Variants in HECW1 observed in about 807,000 individuals in gnomAD.
The protein encoded by HECW1 is HECT, C2 and WW domain containing E3 ubiquitin protein ligase 1.
In HECW1, 61 loss-of-function variants were observed where a neutral mutation model predicts 182.3. The observed-to-expected ratio is 0.33, with a 90% CI of 0.27 to 0.41. The LOEUF (loss-of-function observed/expected upper bound fraction) is 0.41. Among genes scored for constraint, HECW1 ranks in the 10% least tolerant of loss-of-function variants. HECW1 has a pLI of 1.00. For synonymous variants in HECW1, 859 were observed against 832.6 expected (o/e 1.03, Z -0.55); for missense variants, 1,739 against 2,108.9 (o/e 0.82, Z 3.44).
In HECW1 at chr7:43,503,631, CA is replaced by C. The variant is rs112492134; in HGVS notation, c.3631+2310del. Among the ~76,000 whole-genome samples the C allele has an allele frequency of 3.4e-3, 525 of 152,212 alleles. 3 individuals are homozygous for C. Among genetic ancestry groups the C allele is most frequent in the African/African-American group, 0.012 (508 of 41,528 alleles). On this transcript the variant is annotated intron_variant, in intron 21 of 29. Coordinates refer to ENST00000395891, the MANE Select transcript of HECW1 (RefSeq NM_015052.5). ...TACTTCTTTATTCTCTAGCATTGAC[CA>C]CAGGGTCCTAGAATATGTAATCCAA...
intron 5 of HECW1, among the ~76,000 whole-genome samples, chr7:43,352,940 A>T (rs945418887): frequency 1.3e-5 from 2 of 152,098 alleles, no homozygotes; most frequent in Non-Finnish European, 2.9e-5. Context: ...ATCCCTTAAC[A>T]GTGTAGGAAG....
chr7:43,466,458 G>C lies in HECW1; in HGVS notation c.2803G>C (p.Glu935Gln). Residue 935 changes from glutamate to glutamine, a missense_variant, in exon 15 of 30, where the codon GAA becomes CAA. Physicochemically the swap from Glu to Gln is conservative, Grantham distance 29. Coordinates refer to ENST00000395891, the MANE Select transcript of HECW1 (RefSeq NM_015052.5). ...SSQSSLDLRR[E>Q]GSLSPVNSQK... ...TCACTTTTTTTCAGATCTAAGGAGA[G>C]AAGGGTCACTTTCTCCAGTGAACTC... The C allele has an allele frequency of 6.2e-7, 1 of 1,613,686 alleles. No homozygotes were observed. The highest frequency in any genetic ancestry group is 8.5e-7 in the Non-Finnish European group (1 of 1,179,738).
chr7:43,513,552 G>T (rs1327619682), intron 24 of HECW1, among the ~76,000 whole-genome samples: 3 of 152,170 alleles, frequency 2.0e-5, no homozygotes, highest in African/African-American at 7.2e-5. Flanking sequence ...CCCTAGCAGG[G>T]CATCATGATT....
chr7:43,165,459 T>A, intron 2 of HECW1, among the ~76,000 whole-genome samples: 1 of 152,102 alleles, frequency 6.6e-6, no homozygotes, highest in East Asian at 1.9e-4. Flanking sequence ...CAACAGCCTC[T>A]AATGACATCA....
intron 3 of HECW1, among the ~76,000 whole-genome samples, chr7:43,247,856 G>GGAAA (rs201492332): frequency 0.27 from 29,902 of 108,884 alleles, 6,631 homozygotes; most frequent in African/African-American, 0.62. Context: ...AAGGAAGGAA[G>GGAAA]GAAAGAAAGA....
chr7:43,204,783 C>G (rs111234394), intron 2 of HECW1, among the ~76,000 whole-genome samples: 2 of 152,266 alleles, frequency 1.3e-5, no homozygotes, highest in African/African-American at 4.8e-5. Context: ...TTGACACTTA[C>G]CTGGAGGAGA....
intron 3 of HECW1, among the ~76,000 whole-genome samples, chr7:43,286,148 G>A (rs555378492): frequency 2.6e-5 from 4 of 152,320 alleles, no homozygotes; most frequent in African/African-American, 9.6e-5. Flanking sequence ...GACCCTGAGA[G>A]GGTGGATGAC....
At chr7:43,290,717 G>C (rs1805293454) in intron 3 of HECW1, among the ~76,000 whole-genome samples, 1 of 152,246 alleles carries the variant, frequency 6.6e-6, no homozygotes, top group Non-Finnish European at 1.5e-5. Flanking sequence ...CCAGTGACAA[G>C]TAGTAGGGGA....
chr7:43,286,445 C>T (rs1216714741), intron 3 of HECW1, among the ~76,000 whole-genome samples: 1 of 152,128 alleles, frequency 6.6e-6, no homozygotes, highest in African/African-American at 2.4e-5. Flanking sequence ...TTTCCTTTCT[C>T]CTGATTGTCC....
chr7:43,522,996 G>T, intron 24 of HECW1: 1 of 438,540 alleles, frequency 2.3e-6, no homozygotes, highest in Non-Finnish European at 4.5e-6. Context: ...AGGTAGTTCT[G>T]CTTGTTTGTT....
Position 43,554,629 on chromosome 7 carries a change from G to C in HECW1, c.4548G>C (p.Trp1516Cys). 6.2e-7 allele frequency: 1 copy of C among 1,613,662 alleles called. No homozygotes were observed. The highest frequency in any genetic ancestry group is 8.5e-7 in the Non-Finnish European group (1 of 1,179,834). The change falls in exon 29 of 30, where the codon TGG (tryptophan) becomes TGC (cysteine). Residue 1516 changes from tryptophan (W) to cysteine (C), a missense_variant. This residue lies in a region of HECW1 where 420 missense variants were observed against 595.7 expected (regional missense o/e 0.71). Transcript: ENST00000395891. Reference protein sequence around the residue: ...HDGHLVIRWFWAAVERFNNEQ... With the variant: ...HDGHLVIRWFCAAVERFNNEQ... ...GGCATCTTGTGATCCGCTGGTTCTG[G>C]GCTGCGGTGGAGCGCTTCAATAATG...
chr7:43,504,759 C>G (rs1267928123), intron 21 of HECW1, among the ~76,000 whole-genome samples: 1 of 152,246 alleles, frequency 6.6e-6, no homozygotes, highest in Non-Finnish European at 1.5e-5. Context: ...CAGCACCCTT[C>G]CTCTCTCCTA....
intron 8 of HECW1, among the ~76,000 whole-genome samples, chr7:43,422,941 C>T (rs2076241918): frequency 7.2e-6 from 1 of 138,776 alleles, no homozygotes; most frequent in African/African-American, 2.7e-5. Flanking sequence ...GAGTCGTGGT[C>T]TCCAGGATTT....
chr7:43,475,330 C>G (rs374101009), intron 16 of HECW1, among the ~76,000 whole-genome samples: 2 of 152,084 alleles, frequency 1.3e-5, no homozygotes, highest in East Asian at 3.8e-4. Context: ...ATTGTAAGAA[C>G]AAAATCTTTG....
At chr7:43,513,178 A>G (rs1449195493) in intron 24 of HECW1, among the ~76,000 whole-genome samples, 5 of 152,188 alleles carry the variant, frequency 3.3e-5, no homozygotes, top group South Asian at 2.1e-4. Context: ...CCCTCCTGCC[A>G]TGTGCAATTA....
At chr7:43,211,580 G>C (rs768156932) in intron 2 of HECW1, among the ~76,000 whole-genome samples, 7 of 152,122 alleles carry the variant, frequency 4.6e-5, no homozygotes, top group African/African-American at 9.7e-5. Context: ...AGATTCTATG[G>C]AATCCTGTCC....
chr7:43,226,438 C>T (rs1005896838), intron 2 of HECW1, among the ~76,000 whole-genome samples: 3 of 152,184 alleles, frequency 2.0e-5, no homozygotes, highest in Non-Finnish European at 2.9e-5. Context: ...GGCTCTGCCA[C>T]ATGTAAGTGC....
intron 3 of HECW1, among the ~76,000 whole-genome samples, chr7:43,269,445 C>T (rs539322042): frequency 3.9e-5 from 6 of 152,296 alleles, no homozygotes; most frequent in South Asian, 2.1e-4. Context: ...CTCAAATGCA[C>T]GCCCATGGCA....
chr7:43,554,779 T>C lies in HECW1; in HGVS notation c.4698T>C (p.Thr1566=). ...GCATAGAGAAATGGGGGAAAATTACTTCTCTCCCCAGGTACAGAGCTCCTG... is the reference window on the plus strand; with the variant it reads ...GCATAGAGAAATGGGGGAAAATTACCTCTCTCCCCAGGTACAGAGCTCCTG... ...RFCIEKWGKI[T]SLPRAHTCFN... The change falls in exon 29 of 30, where the codon ACT becomes ACC. Residue 1566 remains threonine, a synonymous_variant. Coordinates refer to ENST00000395891, the MANE Select transcript of HECW1 (RefSeq NM_015052.5). 2.5e-6 allele frequency: 4 copies of C among 1,613,362 alleles called. No individual in the cohort carries two copies. Among genetic ancestry groups the C allele is most frequent in the Non-Finnish European group, 3.4e-6 (4 of 1,179,710 alleles).
Sources: allele counts gnomAD v4.1 joint callset (sites outside exome capture counted in the v4.1 genomes callset), GRCh38; gene constraint gnomAD v4.1.1; regional missense constraint gnomAD v4.1.1; transcripts MANE v1.5; gene names NCBI Gene and HGNC (gene_info 2026-07-23, HGNC 2026-07-21).